CLK1: variants seen among roughly 807,000 people sequenced by gnomAD.
The protein encoded by CLK1 is dual specificity protein kinase CLK1.
CLK1 carries 40 observed loss-of-function variants against 60.9 expected under a neutral mutation model. The ratio of observed to expected loss-of-function variants is 0.66; its 90% CI spans 0.51 to 0.86. The LOEUF (loss-of-function observed/expected upper bound fraction) is 0.86. Among genes scored for constraint, CLK1 ranks in the 40% least tolerant of loss-of-function variants. The probability of loss-of-function intolerance (pLI) is 0.00; values close to 1 mark genes in which losing one functional copy is unlikely to be tolerated. For synonymous variants in CLK1, 203 were observed against 184.4 expected (o/e 1.10, Z -0.82); for missense variants, 563 against 606.1 (o/e 0.93, Z 0.75).
intron 1 of CLK1, among the ~76,000 whole-genome samples, chr2:200,862,938 A>G (rs2039164938): frequency 7.5e-6 from 1 of 133,782 alleles, no homozygotes; most frequent in Non-Finnish European, 1.7e-5. Context: ...TACCACTCCC[A>G]AGCACATACA....
chr2:200,862,640 G>A (rs940571825), intron 1 of CLK1, among the ~76,000 whole-genome samples: 2 of 152,164 alleles, frequency 1.3e-5, no homozygotes, highest in African/African-American at 4.8e-5. Context: ...CTCACACAAA[G>A]CCTGCCTTTA....
At chr2:200,861,669 G>GT in intron 2 of CLK1, 33 bp downstream of exon 2, 1 of 1,609,588 alleles carries the variant, frequency 6.2e-7, no homozygotes, top group Non-Finnish European at 8.5e-7. Flanking sequence ...GTAATGTATT[G>GT]TTATATTCAG....
intron 9 of CLK1, among the ~76,000 whole-genome samples, chr2:200,855,622 C>A (rs968841848): frequency 5.8e-4 from 26 of 44,828 alleles, no homozygotes; most frequent in Non-Finnish European, 9.2e-4. Flanking sequence ...AAGACTCCGC[C>A]CCCCCCCCAA....
At chr2:200,858,908 C>T (rs970477491) in intron 5 of CLK1, among the ~76,000 whole-genome samples, 21 of 151,488 alleles carry the variant, frequency 1.4e-4, no homozygotes, top group Admixed American at 1.1e-3. Flanking sequence ...GAGCCAAGCG[C>T]TCATGCCTGT....
chr2:200,859,547 G>C, intron 5 of CLK1, 133 bp downstream of exon 5: 1 of 583,620 alleles, frequency 1.7e-6, no homozygotes, highest in East Asian at 2.9e-5. Context: ...CTCTTAACTG[G>C]AAGTGTCTTA....
At chr2:200,860,655 A>C (rs946387628) in intron 3 of CLK1, 45 of 996,952 alleles carry the variant, frequency 4.5e-5, no homozygotes, top group African/African-American at 5.2e-5. Context: ...AACAAATATT[A>C]TAACAGTAAA....
At position 200,861,767 on chromosome 2, in the gene CLK1, C is replaced by A; in HGVS notation, c.96G>T (p.Lys32Asn). 1.2e-6 allele frequency: 2 copies of A among 1,614,118 alleles called. No individual in the cohort carries two copies. The highest frequency in any genetic ancestry group is 1.7e-6 in the Non-Finnish European group (2 of 1,179,994). Residue 32 changes from lysine to asparagine, a missense_variant, in exon 2 of 13, where the codon AAG becomes AAT. Around this residue, in one of 3 missense-constraint regions of CLK1, gnomAD observed 198 missense variants for 179.2 expected, o/e 1.10. Coordinates refer to ENST00000321356, the MANE Select transcript of CLK1 (RefSeq NM_004071.4). ...TCTCCTGGGCACTGCTATGTGATCT[C>A]TTCCTTCTTTTATGACTGCTGCTGC... The part of the protein sequence containing the change: ...WRSSSSHKRR[K>N]RSHSSAQENK...
chr2:200,859,929 G>A, intron 4 of CLK1, 183 bp from the exon 5 acceptor site: 1 of 1,428,810 alleles, frequency 7.0e-7, no homozygotes, highest in Non-Finnish European at 9.2e-7. Flanking sequence ...TTTGATTACT[G>A]TTCTGGAAGT....
At chr2:200,864,508 C>T (rs2039199415) in intron 1 of CLK1, 56 bp downstream of exon 1, 2 of 419,618 alleles carry the variant, frequency 4.8e-6, no homozygotes, top group Non-Finnish European at 4.3e-6. Context: ...CGCCAGGCGC[C>T]CGCGAGGCTC....
At chr2:200,854,943 T>C (rs141001362) in intron 10 of CLK1, 61 bp downstream of exon 10, 2 of 1,258,810 alleles carry the variant, frequency 1.6e-6, no homozygotes, top group Admixed American at 2.0e-5. Context: ...AAAGTATTTA[T>C]TCATATAAAC....
chr2:200,861,362 C>T lies in CLK1; in HGVS notation c.266G>A (p.Arg89His), dbSNP rs866463907. 1.2e-5 allele frequency: 19 copies of T among 1,613,992 alleles called. No individual in the cohort carries two copies. The East Asian group carries it at 3.6e-4, about 30-fold the overall frequency. The change falls in exon 3 of 13, where the codon CGC becomes CAC. Residue 89 changes from arginine (R) to histidine (H), a missense_variant. Physicochemically the swap from Arg to His is conservative, Grantham distance 29. Transcript: ENST00000321356. ...ATACCGGCTTTCATGGTCTCTTTGG[C>T]GATGTCCAGGTTCACATCCTTGAGT... ...DYTQGCEPGH[R>H]QRDHESRYQN...
intron 12 of CLK1, among the ~76,000 whole-genome samples, chr2:200,853,684 A>C (rs1413737222): frequency 7.8e-6 from 1 of 127,458 alleles, no homozygotes; most frequent in African/African-American, 2.7e-5. Flanking sequence ...TACTTGAAAA[A>C]AAAAAAAAAA....
intron 1 of CLK1, chr2:200,863,179 G>A (rs1002397209): frequency 1.3e-5 from 2 of 152,112 alleles, no homozygotes; most frequent in African/African-American, 4.8e-5. Flanking sequence ...TAGCGGTAGG[G>A]GTTGTATACT....
chr2:200,861,655 T>C, intron 2 of CLK1, 47 bp downstream of exon 2: 1 of 1,592,732 alleles, frequency 6.3e-7, no homozygotes, highest in Non-Finnish European at 8.6e-7. Context: ...ACTAGTTTTG[T>C]CTAGTAATGT....
intron 3 of CLK1, 181 bp from the exon 4 acceptor site, chr2:200,860,396 T>C (rs1039654388): frequency 1.3e-5 from 17 of 1,344,622 alleles, no homozygotes; most frequent in South Asian, 2.1e-5. Context: ...ACAGGGCACA[T>C]AGTTTATGTT....
At chr2:200,856,578 A>G in intron 9 of CLK1, 104 bp downstream of exon 9, 1 of 895,704 alleles carries the variant, frequency 1.1e-6, no homozygotes, top group Non-Finnish European at 1.7e-6. Context: ...TTATCCCTTA[A>G]AGAGAATATG....
chr2:200,854,068 A>AT, intron 11 of CLK1, 75 bp from the exon 12 acceptor site: 1 of 924,250 alleles, frequency 1.1e-6, no homozygotes, highest in Non-Finnish European at 1.7e-6. Context: ...ATCAATTACT[A>AT]TGCTTTCCCA....
At position 200,859,751 on chromosome 2, in the gene CLK1, AAGAG is replaced by A. The variant is rs758535588; in HGVS notation, c.482-9_482-6del. The stretch of plus-strand genomic sequence containing the variant: ...CTAAAGTATCAACAATTTCATCTAA[AAGAG>A]AGAAATAAATCTCAGTCATATCAAG... On this transcript the variant is annotated splice_region_variant and splice_polypyrimidine_tract_variant and intron_variant, in intron 4 of 12. Transcript: ENST00000321356. 1.2e-6 allele frequency: 2 copies of A among 1,612,916 alleles called. No individual in the cohort carries two copies. The highest frequency in any genetic ancestry group is 1.7e-6 in the Non-Finnish European group (2 of 1,179,288).
chr2:200,858,923 C>T (rs1286749513), intron 5 of CLK1, among the ~76,000 whole-genome samples: 1 of 151,846 alleles, frequency 6.6e-6, no homozygotes, highest in East Asian at 1.9e-4. Flanking sequence ...GCCTGTAATC[C>T]CAGCACTTTG....
Sources: gnomAD v4.1 joint callset for allele counts (sites outside exome capture counted in the v4.1 genomes callset) on GRCh38, gnomAD v4.1.1 for gene constraint, gnomAD v4.1.1 regional missense constraint, MANE v1.5 for transcripts, NCBI Gene and HGNC (gene_info 2026-07-23, HGNC 2026-07-21) for gene names.